FARP2: variants seen among roughly 807,000 people sequenced by gnomAD.
The protein encoded by FARP2 is FERM, ARH/RhoGEF and pleckstrin domain protein 2.
Under a neutral mutation model 130.5 loss-of-function variants are expected in FARP2, and 111 were observed. The ratio of observed to expected loss-of-function variants is 0.85; its 90% CI spans 0.73 to 1.00. The LOEUF is 1.00. FARP2 is among the 50% of genes least tolerant of loss of function. FARP2 has a pLI of 0.00. For missense variants in FARP2, 1,385 were observed against 1,346.3 expected, an observed-to-expected ratio of 1.03 and a Z score of -0.45; for synonymous variants, 504 against 516.9, an observed-to-expected ratio of 0.98 and a Z score of 0.34.
intron 4 of FARP2, among the ~76,000 whole-genome samples, chr2:241,406,839 G>T (rs913618751): frequency 6.6e-6 from 1 of 151,740 alleles, no homozygotes; most frequent in Non-Finnish European, 1.5e-5. Flanking sequence ...ACGGAGTCTC[G>T]CTCTGTCGCC....
rs764595259 is a variant in FARP2, at chr2:241,403,825, C to A, written c.184-3C>A. On this transcript the variant is annotated splice_region_variant and splice_polypyrimidine_tract_variant and intron_variant, in intron 2 of 26. Transcript: ENST00000264042. The stretch of plus-strand genomic sequence containing the variant: ...GTTATTTTTCCCATCTCTCTCTGCA[C>A]AGCCTAAATGCGATGGCCAGGTATT... The A allele has an allele frequency of 1.9e-6, 3 of 1,600,622 alleles. No individual in the cohort carries two copies. The highest frequency in any genetic ancestry group is 1.7e-6 in the Non-Finnish European group (2 of 1,168,490).
chr2:241,424,328 A>G (rs2062880066), intron 8 of FARP2, among the ~76,000 whole-genome samples: 1 of 152,194 alleles, frequency 6.6e-6, no homozygotes, highest in Admixed American at 6.6e-5. Context: ...CCACACAACT[A>G]TATGGAAATT....
At chr2:241,408,283 A>G (rs1036050483) in intron 5 of FARP2, among the ~76,000 whole-genome samples, 15 of 152,084 alleles carry the variant, frequency 9.9e-5, no homozygotes, top group Admixed American at 7.9e-4. Flanking sequence ...GAGGCAGGAG[A>G]GTGGCATGAA....
At chr2:241,456,530 T>A in intron 13 of FARP2, 1 of 547,968 alleles carries the variant, frequency 1.8e-6, no homozygotes, top group South Asian at 2.3e-5. Context: ...TGTGGATTGC[T>A]CTCTGAAATT....
intron 1 of FARP2, among the ~76,000 whole-genome samples, chr2:241,361,584 G>A (rs1445764019): frequency 1.3e-5 from 2 of 152,122 alleles, no homozygotes; most frequent in African/African-American, 2.4e-5. Context: ...TTTTACAAAA[G>A]TGTATGACCA....
At chr2:241,376,666 C>G (rs2061542893) in intron 2 of FARP2, among the ~76,000 whole-genome samples, 1 of 152,368 alleles carries the variant, frequency 6.6e-6, no homozygotes, top group Admixed American at 6.5e-5. Flanking sequence ...GTCCACTTGT[C>G]TCATTCGTAT....
chr2:241,456,777 C>T lies in FARP2; in HGVS notation c.1442C>T (p.Pro481Leu), dbSNP rs143766466. The part of the protein sequence containing the change: ...GLSTKSPQPS[P>L]SSRKSPLSLS... ...TCCACGAAGAGTCCTCAGCCTTCTC[C>T]CTCCAGCCGGAAGAGCCCCCTGAGT... Residue 481 changes from proline (P) to leucine (L), a missense_variant, in exon 14 of 27, where the codon CCC becomes CTC. Physicochemically the swap from Pro to Leu is moderately conservative, Grantham distance 98 (BLOSUM62 -3). Coordinates refer to ENST00000264042, the MANE Select transcript of FARP2 (RefSeq NM_014808.4). 3 of 1,614,050 alleles carry T rather than the reference C, an allele frequency of 1.9e-6. No individual in the cohort carries two copies. Among genetic ancestry groups the T allele is most frequent in the African/African-American group, 2.7e-5 (2 of 74,924 alleles).
chr2:241,359,410 C>T (rs537547372), intron 1 of FARP2, among the ~76,000 whole-genome samples: 2 of 152,282 alleles, frequency 1.3e-5, no homozygotes, highest in Admixed American at 1.3e-4. Flanking sequence ...GCTGCAAAAC[C>T]TACTTTGGTA....
At chr2:241,449,756 T>C (rs1281927807) in intron 13 of FARP2, among the ~76,000 whole-genome samples, 1 of 152,050 alleles carries the variant, frequency 6.6e-6, no homozygotes, top group Non-Finnish European at 1.5e-5. Context: ...CCCAGCACTT[T>C]GGGAGGCGAA....
rs1395095165 is a variant in FARP2, at chr2:241,391,908, A to G, written c.184-11920A>G. Among the ~76,000 whole-genome samples the G allele has an allele frequency of 2.6e-5, 4 of 152,350 alleles. No individual in the cohort carries two copies. The East Asian group carries it at 5.8e-4, about 22-fold the overall frequency. Reference sequence around the variant, plus strand: ...ACCAGTAATTTGAACAGGGAAATTTAATAGAAATAATGATTAACCAGCAAC... The same window carrying G: ...ACCAGTAATTTGAACAGGGAAATTTGATAGAAATAATGATTAACCAGCAAC... On this transcript the variant is annotated intron_variant, in intron 2 of 26. Coordinates refer to ENST00000264042, the MANE Select transcript of FARP2 (RefSeq NM_014808.4).
chr2:241,471,079 C>T (rs2064293279), intron 18 of FARP2, among the ~76,000 whole-genome samples: 1 of 151,548 alleles, frequency 6.6e-6, no homozygotes, highest in African/African-American at 2.4e-5. Context: ...TGAAGGGGAC[C>T]CTGTTCTGTG....
rs552364599 is a variant in FARP2 at position 241,491,041 on chromosome 2, C to T, written c.2505-20C>T. 1 of 1,584,122 alleles carries T rather than the reference C, an allele frequency of 6.3e-7. No individual in the cohort carries two copies. The highest frequency in any genetic ancestry group is 1.1e-5 in the South Asian group (1 of 90,504). Reference sequence around the variant, plus strand: ...CACAAGGAAGAGCAGAGCCACTGAGCCTTGCCCTTCTCCCTGCAGCACTCG... The same window carrying T: ...CACAAGGAAGAGCAGAGCCACTGAGTCTTGCCCTTCTCCCTGCAGCACTCG... On this transcript the variant is annotated intron_variant, in intron 22 of 26. Coordinates refer to ENST00000264042, the MANE Select transcript of FARP2 (RefSeq NM_014808.4).
At chr2:241,395,523 C>T (rs2062009534) in intron 2 of FARP2, 1 of 152,180 alleles carries the variant, frequency 6.6e-6, no homozygotes, top group Non-Finnish European at 1.5e-5. Flanking sequence ...TGCAGAGAAG[C>T]TCAAGAATGG....
intron 14 of FARP2, among the ~76,000 whole-genome samples, chr2:241,457,722 T>G (rs2063897862): frequency 7.0e-6 from 1 of 142,672 alleles, no homozygotes; most frequent in African/African-American, 2.7e-5. Context: ...CCGCTTTGGG[T>G]TCTGGAGAGG....
intron 6 of FARP2, among the ~76,000 whole-genome samples, chr2:241,411,701 T>G (rs566918155): frequency 6.6e-6 from 1 of 152,346 alleles, no homozygotes; most frequent in South Asian, 2.1e-4. Flanking sequence ...ATACCCACAT[T>G]GCTCCTGGAC....
rs2063844343 is a variant in FARP2 at position 241,456,611 on chromosome 2, C to G, written c.1412-136C>G. The G allele has an allele frequency of 6.6e-6, 5 of 757,106 alleles. No individual in the cohort carries two copies. The Admixed American group carries it at 1.1e-4, about 17-fold the overall frequency. The allele number at this position is 757,106 out of a possible 1,614,324, so 46.9% of individuals were successfully genotyped here. ...AGAATTGTGTGTGATAGAGGCTGTA[C>G]ATACACATTTTACAGGAAGCGCCTG... On this transcript the variant is annotated intron_variant, in intron 13 of 26. Coordinates refer to ENST00000264042, the MANE Select transcript of FARP2 (RefSeq NM_014808.4).
chr2:241,476,812 A>G (rs897142027), intron 19 of FARP2, among the ~76,000 whole-genome samples: 3 of 152,224 alleles, frequency 2.0e-5, no homozygotes, highest in Admixed American at 2.0e-4. Context: ...GTAGCCATCA[A>G]TGTCGAATTC....
intron 11 of FARP2, among the ~76,000 whole-genome samples, chr2:241,435,636 C>T (rs1361846869): frequency 5.3e-5 from 8 of 151,358 alleles, no homozygotes; most frequent in Non-Finnish European, 8.8e-5. Flanking sequence ...CTCAGCCTCC[C>T]GAGTAGCTGG....
At chr2:241,450,693 C>T (rs1465593039) in intron 13 of FARP2, among the ~76,000 whole-genome samples, 1 of 151,542 alleles carries the variant, frequency 6.6e-6, no homozygotes, top group Non-Finnish European at 1.5e-5. Context: ...GGCATGGTGG[C>T]TCACACCTGT....
Sources: gnomAD v4.1 joint callset for allele counts (sites outside exome capture counted in the v4.1 genomes callset) on GRCh38, gnomAD v4.1.1 for gene constraint, MANE v1.5 for transcripts, NCBI Gene and HGNC (gene_info 2026-07-23, HGNC 2026-07-21) for gene names.